Variants in CEP120 observed in about 807,000 individuals in gnomAD.
CEP120 encodes centrosomal protein 120, also known as centrosomal protein of 120 kDa.
A neutral mutation model predicts 126.5 loss-of-function variants in CEP120; 113 were observed. That is an observed-to-expected ratio of 0.89 (90% CI 0.77 to 1.04). CEP120 has a LOEUF of 1.04. CEP120 is among the 50% of genes least tolerant of loss of function. CEP120 has a pLI of 0.00. For missense variants in CEP120, 1,230 were observed against 1,155.7 expected (o/e 1.06, Z -0.93); for synonymous variants, 400 against 394.3 (o/e 1.01, Z -0.17).
Position 123,346,278 on chromosome 5 carries a change from T to C in CEP120, c.*241A>G, listed in dbSNP as rs1488103923. The stretch of plus-strand genomic sequence containing the variant: ...TAGTTAGCCATCAGATTATAAACTA[T>C]GAAAAACACTGAAAAGTCATTTAAA... On this transcript the variant is annotated 3_prime_UTR_variant, in exon 20 of 20. Transcript: ENST00000306467. 5.1e-6 allele frequency: 2 copies of C among 392,402 alleles called. No individual in the cohort carries two copies. Among genetic ancestry groups the C allele is most frequent in the Admixed American group, 4.2e-5 (1 of 23,802 alleles). 24.3% of individuals were successfully genotyped at this position (392,402 alleles called of 1,614,324 possible). A position where few individuals can be genotyped will look rare whatever the true frequency, so the allele number is the denominator to read the frequency against.
chr5:123,386,042 G>T (rs536170037), intron 10 of CEP120, among the ~76,000 whole-genome samples: 24 of 152,116 alleles, frequency 1.6e-4, no homozygotes, highest in African/African-American at 5.3e-4. Context: ...CTCTGAGAAA[G>T]TAAAAGGTGT....
Position 123,382,125 on chromosome 5 carries a change from G to A in CEP120, c.2089C>T (p.Leu697=), listed in dbSNP as rs571724744. Residue 697 remains leucine (L), a synonymous_variant, in exon 14 of 20, where the codon CTA becomes TTA. Coordinates refer to ENST00000306467, the MANE Select transcript of CEP120 (RefSeq NM_001375405.1). ...CAAGTTATTACCTTTTTCTTTACTA[G>A]TGATTCTCTTTCTCGGTCCCTTTTC... is the stretch of plus-strand genomic sequence containing the variant. ...WKKRDRERES[L]VKKKVAEYTI... 6.3e-7 allele frequency: 1 copy of A among 1,599,292 alleles called. No individual in the cohort carries two copies. The highest frequency in any genetic ancestry group is 2.3e-5 in the East Asian group (1 of 44,402).
At chr5:123,421,903 T>C (rs2127148107) in intron 1 of CEP120, among the ~76,000 whole-genome samples, 1 of 152,338 alleles carries the variant, frequency 6.6e-6, no homozygotes, top group South Asian at 2.1e-4. Context: ...AGGATTACAA[T>C]GTTTCCTTTG....
intron 5 of CEP120, among the ~76,000 whole-genome samples, chr5:123,397,455 G>A (rs1225214448): frequency 2.6e-5 from 4 of 152,206 alleles, no homozygotes; most frequent in Admixed American, 6.5e-5. Context: ...AAAGGCAATA[G>A]ATATCTGGCT....
Position 123,371,962 on chromosome 5 carries a change from G to A in CEP120, c.2481+688C>T, listed in dbSNP as rs181785937. On this transcript the variant is annotated intron_variant, in intron 17 of 19. Coordinates refer to ENST00000306467, the MANE Select transcript of CEP120 (RefSeq NM_001375405.1). ...CCTAAAAGTTATTAAATCATAAAATGCAAGAACACATATGGTCAAACTTGT... is the reference window on the plus strand; with the variant it reads ...CCTAAAAGTTATTAAATCATAAAATACAAGAACACATATGGTCAAACTTGT... 6.6e-4 allele frequency among the ~76,000 whole-genome samples: 100 copies of A among 152,160 alleles called. 1 individual carries two copies. The highest frequency in any genetic ancestry group is 2.4e-3 in the African/African-American group (98 of 41,544).
chr5:123,374,084 G>A (rs1771042299), intron 16 of CEP120, among the ~76,000 whole-genome samples: 1 of 151,962 alleles, frequency 6.6e-6, no homozygotes, highest in Non-Finnish European at 1.5e-5. Context: ...ATAAAAATAA[G>A]CTCAATTTTA....
Position 123,423,093 on chromosome 5 carries a change from T to A in CEP120, c.-95A>T. 1 of 1,052,744 alleles carries A rather than the reference T, an allele frequency of 9.5e-7. No individual in the cohort carries two copies. The highest frequency in any genetic ancestry group is 1.3e-5 in the South Asian group (1 of 79,470). The allele number at this position is 1,052,744 out of a possible 1,614,324, so 65.2% of individuals were successfully genotyped here. A position where few individuals can be genotyped will look rare whatever the true frequency, so the allele number is the denominator to read the frequency against. ...CCGGGACCCCCGGCGGGACCCCCAC[T>A]GCCCGCCCCCGGTCCCTGATGCCCG... On this transcript the variant is annotated 5_prime_UTR_variant, in exon 1 of 20. Transcript: ENST00000306467.
chr5:123,395,466 TAAAC>T (rs1772713716), intron 5 of CEP120, among the ~76,000 whole-genome samples: 1 of 152,134 alleles, frequency 6.6e-6, no homozygotes, highest in South Asian at 2.1e-4. Flanking sequence ...ATCCCAAACA[TAAAC>T]AATACAATCA....
intron 4 of CEP120, chr5:123,403,453 A>C (rs1362028595): frequency 2.2e-5 from 8 of 366,176 alleles, no homozygotes; most frequent in Non-Finnish European, 4.2e-5. Context: ...AGCGTAGTTA[A>C]ATATTGTAAA....
At chr5:123,407,223 C>T (rs1222905541) in intron 4 of CEP120, among the ~76,000 whole-genome samples, 1 of 150,384 alleles carries the variant, frequency 6.6e-6, no homozygotes, top group African/African-American at 2.4e-5. Context: ...ACAAGAGAAA[C>T]AAATATAAAA....
rs1225931771 is a variant in CEP120 at position 123,346,586 on chromosome 5, T to C, written c.2894A>G (p.Asp965Gly). The C allele has an allele frequency of 6.2e-7, 1 of 1,613,930 alleles. No homozygotes were observed. The highest frequency in any genetic ancestry group is 1.1e-5 in the South Asian group (1 of 91,040). ...TCGGTCGAGTTCACTTATTATTCGA[T>C]CCTCGTGATTATACACACCCGTTCT... ...LMRTGVYNHE[D>G]RIISELDRQI... The change falls in exon 20 of 20, where the codon GAT becomes GGT. Residue 965 changes from aspartate to glycine, a missense_variant. Asp to Gly is a moderately conservative substitution (Grantham distance 94). Coordinates refer to ENST00000306467, the MANE Select transcript of CEP120 (RefSeq NM_001375405.1).
At chr5:123,402,290 C>A in intron 4 of CEP120, 1 of 1,473,930 alleles carries the variant, frequency 6.8e-7, no homozygotes, top group Admixed American at 2.0e-5. Flanking sequence ...TGCTGAAGGC[C>A]CGGGGGCCAG....
intron 13 of CEP120, 106 bp downstream of exon 13, chr5:123,382,631 T>C: frequency 1.0e-6 from 1 of 999,406 alleles, no homozygotes; most frequent in African/African-American, 1.7e-5. Flanking sequence ...TTCAAAGAAG[T>C]TAGATAAGGT....
At chr5:123,419,713 T>C (rs1390818845) in intron 1 of CEP120, among the ~76,000 whole-genome samples, 54 of 152,204 alleles carry the variant, frequency 3.5e-4, no homozygotes. Flanking sequence ...CCCCATTTCA[T>C]CAATGTTTAC....
chr5:123,384,639 A>C lies in CEP120; in HGVS notation c.1763+312T>G, dbSNP rs184770829. Among the ~76,000 whole-genome samples, 13 of 152,280 alleles carry C rather than the reference A, an allele frequency of 8.5e-5. No homozygotes were observed. The East Asian group carries it at 2.5e-3, about 29-fold the overall frequency. On this transcript the variant is annotated intron_variant, in intron 11 of 19. Transcript: ENST00000306467. ...AAGTTTAACCTCAAATTACAAAATA[A>C]AAAAATAGATCCTGCATTTAAAATT...
At chr5:123,378,547 T>A in intron 14 of CEP120, 119 bp from the exon 15 acceptor site, 1 of 508,226 alleles carries the variant, frequency 2.0e-6, no homozygotes, top group Non-Finnish European at 3.3e-6. Flanking sequence ...AATAGGAAAG[T>A]CACAAATTAC....
At position 123,388,448 on chromosome 5, in the gene CEP120, T is replaced by C. The variant is rs1271435600; in HGVS notation, c.1414A>G (p.Ile472Val). ...SIHALEIGFP[I>V]NCILRYSYPF... ...AAATCACACCTTAATATACAGTTGATTGGAAAACCAATCTCCAAGGCATGT... is the reference window on the plus strand; with the variant it reads ...AAATCACACCTTAATATACAGTTGACTGGAAAACCAATCTCCAAGGCATGT... The change falls in exon 9 of 20, where the codon ATC (isoleucine) becomes GTC (valine). Residue 472 changes from isoleucine (I) to valine (V), a missense_variant. Transcript: ENST00000306467. The C allele has an allele frequency of 3.9e-6, 6 of 1,553,642 alleles. No individual in the cohort carries two copies. The highest frequency in any genetic ancestry group is 2.3e-5 in the East Asian group (1 of 42,808).
At chr5:123,353,520 GT>G (rs1475577149) in intron 18 of CEP120, among the ~76,000 whole-genome samples, 1 of 67,664 alleles carries the variant, frequency 1.5e-5, no homozygotes. Flanking sequence ...TAAAAAAAAA[GT>G]AAGCATTTTT....
chr5:123,349,991 TA>T lies in CEP120; in HGVS notation c.2678del (p.Val893GlufsTer11), dbSNP rs765911111. 1 of 1,613,886 alleles carries T rather than the reference TA, an allele frequency of 6.2e-7. No homozygotes were observed. ...CCAACAATTCTTGTCGCTCGGTTTT[TA>T]CTGTATCTTTTTCCTCAGCGGCAAG... is the stretch of plus-strand genomic sequence containing the variant. ...RYLAAEEKDTVKTERQELLDI... is the reference protein window; with the variant it reads ...RYLAAEEKDTXKTERQELLDI... On this transcript the variant is annotated frameshift_variant, in exon 19 of 20. Coordinates refer to ENST00000306467, the MANE Select transcript of CEP120 (RefSeq NM_001375405.1). LOFTEE classifies it high-confidence loss of function.
Sources: allele counts gnomAD v4.1 joint callset (sites outside exome capture counted in the v4.1 genomes callset), GRCh38; gene constraint gnomAD v4.1.1; transcripts MANE v1.5; gene names NCBI Gene and HGNC (gene_info 2026-07-23, HGNC 2026-07-21).